The following FSD1 variants were observed in gnomAD, a reference collection of about 807,000 sequenced individuals.
FSD1 encodes the protein fibronectin type III and SPRY domain-containing protein 1.
In FSD1, 23 loss-of-function variants were observed where a neutral mutation model predicts 58.2. The ratio of observed to expected loss-of-function variants is 0.40; its 90% CI spans 0.28 to 0.56. The LOEUF (loss-of-function observed/expected upper bound fraction) is 0.56, where lower values mean the gene tolerates loss of function less well. FSD1 is among the 20% of genes least tolerant of loss of function. The pLI, the probability that FSD1 is intolerant of heterozygous loss-of-function variation, is 0.54. For missense variants in FSD1, 563 were observed against 670.8 expected, an observed-to-expected ratio of 0.84 and a Z score of 1.78; for synonymous variants, 265 against 263.4, an observed-to-expected ratio of 1.01 and a Z score of -0.06.
At chr19:4,319,790 G>A (rs2144769050) in intron 10 of FSD1, among the ~76,000 whole-genome samples, 1 of 152,122 alleles carries the variant, frequency 6.6e-6, no homozygotes, top group East Asian at 1.9e-4. Flanking sequence ...GGTGTGGGGA[G>A]TAGCTGAGAT....
Position 4,304,633 on chromosome 19 carries a change from G to A in FSD1, c.-114G>A. ...CGGTGATGGAGCGCTAACCGGGGGC[G>A]CGGCGGCGGCGAGGGCTCGGCGGGC... On this transcript the variant is annotated 5_prime_UTR_variant, in exon 1 of 13. Transcript: ENST00000221856. 3 of 552,556 alleles carry A rather than the reference G, an allele frequency of 5.4e-6. No individual in the cohort carries two copies. Among genetic ancestry groups the A allele is most frequent in the Non-Finnish European group, 8.1e-6 (3 of 371,714 alleles). The allele number at this position is 552,556 out of a possible 1,614,324, so 34.2% of individuals were successfully genotyped here.
intron 1 of FSD1, 101 bp downstream of exon 1, chr19:4,304,862 C>G (rs1212672095): frequency 1.8e-6 from 1 of 555,658 alleles, no homozygotes; most frequent in African/African-American, 2.0e-5. Context: ...GCCTCCACCC[C>G]AGCTGCTCTG....
Position 4,312,002 on chromosome 19 carries a change from G to A in FSD1, c.651G>A (p.Gln217=). ...FEGPPRLKED[Q]PWMVIEGIRQ... is the part of the protein sequence containing the mutation. ...GCCCGCCCCGCCTCAAGGAGGACCA[G>A]CCCTGGATGGTCATCGAGGGCATCC... The change falls in exon 7 of 13, where the codon CAG becomes CAA. Residue 217 remains glutamine (Q), a synonymous_variant. Transcript: ENST00000221856. The A allele has an allele frequency of 1.2e-6, 2 of 1,613,156 alleles. No individual in the cohort carries two copies. The highest frequency in any genetic ancestry group is 1.7e-6 in the Non-Finnish European group (2 of 1,180,036).
chr19:4,315,851 A>T (rs1360775160), intron 7 of FSD1, among the ~76,000 whole-genome samples: 2 of 143,540 alleles, frequency 1.4e-5, no homozygotes, highest in East Asian at 4.2e-4. Flanking sequence ...CTGGTCTCGA[A>T]CTCCTGACCT....
chr19:4,322,830 G>T (rs1470438225), intron 10 of FSD1, among the ~76,000 whole-genome samples, 156 bp from the exon 11 acceptor site: 2 of 152,024 alleles, frequency 1.3e-5, no homozygotes, highest in East Asian at 3.8e-4. Flanking sequence ...GGAACCTGAG[G>T]AGTATCTGGG....
intron 7 of FSD1, among the ~76,000 whole-genome samples, chr19:4,316,909 C>G (rs1163318220): frequency 6.6e-6 from 1 of 152,116 alleles, no homozygotes; most frequent in Non-Finnish European, 1.5e-5. Context: ...CACCACCACG[C>G]CCGGCTAATT....
chr19:4,323,499 T>TGCGGGGGG lies in FSD1; in HGVS notation c.1381-33_1381-32insCGGGGGGG. Reference sequence around the variant, plus strand: ...GGTGCTGGGCGCTGGGGTTTGAAGCTGAGCCCCTCCCCCCTCCCCCCGCTG... The same window carrying TGCGGGGGG: ...GGTGCTGGGCGCTGGGGTTTGAAGCTGCGGGGGGGAGCCCCTCCCCCCTCCCCCCGCTG... On this transcript the variant is annotated intron_variant, in intron 12 of 12. Transcript: ENST00000221856. The surrounding 1 kb of genome is among the most constrained non-coding windows in gnomAD (Gnocchi z 7.7). The TGCGGGGGG allele has an allele frequency of 6.3e-7, 1 of 1,577,828 alleles. No individual in the cohort carries two copies. Among genetic ancestry groups the TGCGGGGGG allele is most frequent in the Non-Finnish European group, 8.7e-7 (1 of 1,148,732 alleles).
At chr19:4,316,017 C>T (rs1971751700) in intron 7 of FSD1, among the ~76,000 whole-genome samples, 1 of 151,088 alleles carries the variant, frequency 6.6e-6, no homozygotes, top group Non-Finnish European at 1.5e-5. Flanking sequence ...CCTCCTGCCT[C>T]CACCTCCCAG....
chr19:4,312,101 CCAGCCTCCCGTCTCGCCAT>C, intron 7 of FSD1, 50 bp downstream of exon 7: 3 of 1,473,028 alleles, frequency 2.0e-6, no homozygotes, highest in Non-Finnish European at 2.8e-6. Context: ...GCCACCTCTT[CCAGCCTCCCGTCTCGCCAT>C]CAGTCACTGG....
intron 7 of FSD1, among the ~76,000 whole-genome samples, chr19:4,316,661 G>A (rs1044382684): frequency 2.0e-5 from 3 of 151,996 alleles, no homozygotes; most frequent in South Asian, 2.1e-4. Flanking sequence ...ATTGGTCTAC[G>A]TGGGTTGGAG....
chr19:4,305,902 A>G (rs370908241), intron 1 of FSD1, 44 bp from the exon 2 acceptor site: 2 of 1,427,324 alleles, frequency 1.4e-6, no homozygotes, highest in Non-Finnish European at 2.0e-6. Context: ...GTGTGCGCAC[A>G]TGTGTGTGTG....
At chr19:4,306,916 G>A (rs1000035569) in intron 3 of FSD1, among the ~76,000 whole-genome samples, 3 of 152,068 alleles carry the variant, frequency 2.0e-5, no homozygotes, top group Admixed American at 6.6e-5. Context: ...CATGGCTCCC[G>A]TGGGCTGTCA....
intron 5 of FSD1, 40 bp from the exon 6 acceptor site, chr19:4,310,435 C>A (rs1398544818): frequency 6.2e-7 from 1 of 1,606,072 alleles, no homozygotes; most frequent in Non-Finnish European, 8.5e-7. Flanking sequence ...GATGACCAGG[C>A]CTGGTCCCCC....
chr19:4,307,643 A>G (rs566776146), intron 3 of FSD1, among the ~76,000 whole-genome samples: 1 of 152,280 alleles, frequency 6.6e-6, no homozygotes, highest in South Asian at 2.1e-4. Context: ...TGCTGGGATT[A>G]CAGGCCTGAG....
chr19:4,323,090 G>C lies in FSD1; in HGVS notation c.1144G>C (p.Glu382Gln), dbSNP rs914661813. 1 of 1,610,004 alleles carries C rather than the reference G, an allele frequency of 6.2e-7. No homozygotes were observed. The highest frequency in any genetic ancestry group is 8.5e-7 in the Non-Finnish European group (1 of 1,179,756). ...GVAYRSLGRFEQLGKTAASWC... is the reference protein window; with the variant it reads ...GVAYRSLGRFQQLGKTAASWC... Reference sequence around the variant, plus strand: ...GGCCTACCGCAGCCTGGGCCGCTTCGAGCAACTGGGCAAGACGGCCGCCTC... The same window carrying C: ...GGCCTACCGCAGCCTGGGCCGCTTCCAGCAACTGGGCAAGACGGCCGCCTC... Residue 382 changes from glutamate (E) to glutamine (Q), a missense_variant, in exon 11 of 13, where the codon GAG becomes CAG. Transcript: ENST00000221856. This position sits in a 1 kb window ranked among gnomAD's most constrained non-coding sequence, Gnocchi z 7.7.
intron 7 of FSD1, among the ~76,000 whole-genome samples, chr19:4,312,579 C>G (rs1220168222): frequency 7.9e-5 from 12 of 151,432 alleles, no homozygotes; most frequent in Admixed American, 7.9e-4. Flanking sequence ...CGAGGCGGGC[C>G]GATCACAAGG....
intron 6 of FSD1, 154 bp downstream of exon 6, chr19:4,310,750 G>C: frequency 7.2e-6 from 6 of 832,400 alleles, no homozygotes; most frequent in Non-Finnish European, 1.1e-5. Context: ...CCCTGTGGGG[G>C]GTGGAGTTCT....
rs766976177 is a variant in FSD1, at chr19:4,310,545, G to T, written c.439G>T (p.Val147Leu). The T allele has an allele frequency of 6.2e-7, 1 of 1,613,960 alleles. No homozygotes were observed. Among genetic ancestry groups the T allele is most frequent in the African/African-American group, 1.3e-5 (1 of 75,082 alleles). ...CAGTGACAACATGAGTCACCTCATG[G>T]TGGACTTCGCGCAAGAGCGGCAGAT... ...KVSDNMSHLM[V>L]DFAQERQMLQ... is the part of the protein sequence containing the mutation. The change falls in exon 6 of 13, where the codon GTG becomes TTG. Residue 147 changes from valine (V) to leucine (L), a missense_variant. Physicochemically the swap from Val to Leu is conservative, Grantham distance 32 (BLOSUM62 1). Coordinates refer to ENST00000221856, the MANE Select transcript of FSD1 (RefSeq NM_024333.3).
In FSD1 at chr19:4,323,668, G is replaced by A. The variant is rs752597693; in HGVS notation, c.*25G>A. The A allele has an allele frequency of 2.6e-6, 4 of 1,547,598 alleles. No homozygotes were observed. The highest frequency in any genetic ancestry group is 3.6e-6 in the Non-Finnish European group (4 of 1,126,720). On this transcript the variant is annotated 3_prime_UTR_variant, in exon 13 of 13. Coordinates refer to ENST00000221856, the MANE Select transcript of FSD1 (RefSeq NM_024333.3). This position sits in a 1 kb window ranked among gnomAD's most constrained non-coding sequence, Gnocchi z 7.7. ...GGCCCCCAGGCACCCACCCAGCTGG[G>A]GTGTTTTTGGGGGAGTCGCCGCCAA...
Sources: gnomAD v4.1 joint callset for allele counts (sites outside exome capture counted in the v4.1 genomes callset) on GRCh38, gnomAD v4.1.1 for gene constraint, Gnocchi (gnomAD v3.1) non-coding constraint, MANE v1.5 for transcripts, NCBI Gene and HGNC (gene_info 2026-07-23, HGNC 2026-07-21) for gene names.